The following SPAG16 variants were observed in gnomAD, a reference collection of about 807,000 sequenced individuals.
The protein encoded by SPAG16 is sperm associated antigen 16, also known as sperm-associated antigen 16 protein.
In SPAG16, 86 loss-of-function variants were observed where a neutral mutation model predicts 80.4. That is an observed-to-expected ratio of 1.07 (90% CI 0.90 to 1.28). The LOEUF is 1.28. Ranked by LOEUF, SPAG16 falls within the 50% of genes most tolerant of loss-of-function variation. The pLI is 0.00. For missense variants in SPAG16, 870 were observed against 765.3 expected (o/e 1.14, Z -1.61); for synonymous variants, 294 against 265.9 (o/e 1.11, Z -1.03).
In SPAG16 at chr2:213,912,637, G is replaced by A. The variant is rs73072927; in HGVS notation, c.1215-17323G>A. 5.7e-3 allele frequency among the ~76,000 whole-genome samples: 865 copies of A among 152,136 alleles called. 9 individuals carry two copies. The highest frequency in any genetic ancestry group is 0.02 in the African/African-American group (836 of 41,506). Reference sequence around the variant, plus strand: ...ATTCCAAGGCTTGCTATGTGCATTCGGTGTAGAGCTTGCTGTCCTGTGTTT... The same window carrying A: ...ATTCCAAGGCTTGCTATGTGCATTCAGTGTAGAGCTTGCTGTCCTGTGTTT... On this transcript the variant is annotated intron_variant, in intron 11 of 15. Coordinates refer to ENST00000331683, the MANE Select transcript of SPAG16 (RefSeq NM_024532.5).
At chr2:214,293,910 G>A (rs1315090767) in intron 15 of SPAG16, among the ~76,000 whole-genome samples, 1 of 152,204 alleles carries the variant, frequency 6.6e-6, no homozygotes, top group Non-Finnish European at 1.5e-5. Flanking sequence ...TAGACAGGCA[G>A]CTATGGGACA....
chr2:213,336,262 C>A, intron 5 of SPAG16, among the ~76,000 whole-genome samples: 1 of 152,216 alleles, frequency 6.6e-6, no homozygotes, highest in East Asian at 1.9e-4. Flanking sequence ...GACATGGCAG[C>A]TGCTTGGGTG....
chr2:213,721,436 C>G (rs1462609502), intron 10 of SPAG16, among the ~76,000 whole-genome samples: 1 of 152,144 alleles, frequency 6.6e-6, no homozygotes, highest in Non-Finnish European at 1.5e-5. Context: ...TGCTAATCAA[C>G]CAAAAGGAAC....
chr2:213,324,797 C>T (rs939555836), intron 5 of SPAG16, among the ~76,000 whole-genome samples: 1 of 152,062 alleles, frequency 6.6e-6, no homozygotes, highest in African/African-American at 2.4e-5. Flanking sequence ...ATGTTTAACT[C>T]TGTATGAACT....
chr2:213,479,014 A>C lies in SPAG16; in HGVS notation c.943-10949A>C, dbSNP rs137874829. Among the ~76,000 whole-genome samples, 8 of 150,844 alleles carry C rather than the reference A, an allele frequency of 5.3e-5. No homozygotes were observed. In the East Asian group the frequency reaches 1.6e-3, roughly 29 times the overall value. ...GGTTAAATAATTATAATAAAAATTTACTGTCAGCATTAAAAATTTATTCTA... is the reference window on the plus strand; with the variant it reads ...GGTTAAATAATTATAATAAAAATTTCCTGTCAGCATTAAAAATTTATTCTA... On this transcript the variant is annotated intron_variant, in intron 9 of 15. Coordinates refer to ENST00000331683, the MANE Select transcript of SPAG16 (RefSeq NM_024532.5).
At chr2:213,378,312 A>G (rs1436555970) in intron 9 of SPAG16, among the ~76,000 whole-genome samples, 1 of 152,212 alleles carries the variant, frequency 6.6e-6, no homozygotes, top group African/African-American at 2.4e-5. Context: ...AATTCAGTCA[A>G]GTTGACAGTA....
chr2:213,828,131 T>A (rs2073411793), intron 10 of SPAG16, among the ~76,000 whole-genome samples: 1 of 152,122 alleles, frequency 6.6e-6, no homozygotes, highest in South Asian at 2.1e-4. Context: ...CTCTACTACC[T>A]CTTTTTTAAA....
chr2:214,138,003 G>GGAGGGAAA (rs945154652), intron 14 of SPAG16, among the ~76,000 whole-genome samples: 7 of 152,038 alleles, frequency 4.6e-5, no homozygotes, highest in African/African-American at 1.4e-4. Flanking sequence ...GCTCTATAGA[G>GGAGGGAAA]GAGGGAAAGA....
chr2:214,135,450 T>A (rs116601330), intron 14 of SPAG16, among the ~76,000 whole-genome samples: 7 of 152,300 alleles, frequency 4.6e-5, no homozygotes, highest in African/African-American at 1.2e-4. Flanking sequence ...TAACAAAGTA[T>A]GCATGTTTAT....
chr2:213,438,252 A>G (rs1414822792), intron 9 of SPAG16, among the ~76,000 whole-genome samples: 2 of 152,218 alleles, frequency 1.3e-5, no homozygotes, highest in African/African-American at 4.8e-5. Context: ...TCTGCCAAAT[A>G]GTCTAGTAAA....
intron 9 of SPAG16, among the ~76,000 whole-genome samples, chr2:213,402,940 C>T (rs1008307062): frequency 2.0e-5 from 3 of 152,054 alleles, no homozygotes; most frequent in African/African-American, 7.3e-5. Context: ...TGGGTATATA[C>T]CCAGTAATGG....
At chr2:213,404,077 A>G (rs2068476041) in intron 9 of SPAG16, among the ~76,000 whole-genome samples, 1 of 152,138 alleles carries the variant, frequency 6.6e-6, no homozygotes, top group African/African-American at 2.4e-5. Flanking sequence ...CAAATGGAAG[A>G]ACATTCCATG....
At chr2:214,005,198 C>G (rs1432450944) in intron 12 of SPAG16, among the ~76,000 whole-genome samples, 1 of 152,126 alleles carries the variant, frequency 6.6e-6, no homozygotes, top group African/African-American at 2.4e-5. Flanking sequence ...GCTACTCTGG[C>G]CTTTTAACCC....
intron 15 of SPAG16, among the ~76,000 whole-genome samples, chr2:214,353,452 AG>A (rs1698559230): frequency 6.6e-6 from 1 of 152,204 alleles, no homozygotes; most frequent in Non-Finnish European, 1.5e-5. Context: ...TTTAAATTAT[AG>A]AATGTTCTGG....
intron 13 of SPAG16, among the ~76,000 whole-genome samples, chr2:214,049,135 A>G (rs1041003698): frequency 6.6e-6 from 1 of 152,090 alleles, no homozygotes; most frequent in East Asian, 1.9e-4. Flanking sequence ...GAGGTCTACT[A>G]TGTTGCCCAG....
At chr2:213,643,489 T>C (rs1474698337) in intron 10 of SPAG16, among the ~76,000 whole-genome samples, 1 of 147,072 alleles carries the variant, frequency 6.8e-6, no homozygotes, top group Non-Finnish European at 1.5e-5. Flanking sequence ...CTTGAGGTAT[T>C]CTTTGTATTA....
chr2:214,229,504 ATGTGTGTATATATATGTG>A (rs1688542452), intron 15 of SPAG16, among the ~76,000 whole-genome samples: 1 of 151,666 alleles, frequency 6.6e-6, no homozygotes, highest in African/African-American at 2.4e-5. Flanking sequence ...TTATATGTGT[ATGTGTGTATATATATGTG>A]TGTGTGTATA....
chr2:213,604,855 C>T (rs979960639), intron 10 of SPAG16, among the ~76,000 whole-genome samples: 2 of 150,968 alleles, frequency 1.3e-5, no homozygotes, highest in Non-Finnish European at 3.0e-5. Flanking sequence ...CATTCTATTC[C>T]AGCTACCTTC....
At chr2:214,287,281 ATTTCT>A (rs992753831) in intron 15 of SPAG16, among the ~76,000 whole-genome samples, 4 of 152,200 alleles carry the variant, frequency 2.6e-5, no homozygotes, top group African/African-American at 7.2e-5. Flanking sequence ...TTCAAATTTC[ATTTCT>A]TTTATCTTTT....
Sources: gnomAD v4.1 joint callset for allele counts (sites outside exome capture counted in the v4.1 genomes callset) on GRCh38, gnomAD v4.1.1 for gene constraint, MANE v1.5 for transcripts, NCBI Gene and HGNC (gene_info 2026-07-23, HGNC 2026-07-21) for gene names.